ACACB: variants seen among roughly 807,000 people sequenced by gnomAD.
The protein encoded by ACACB is acetyl-CoA carboxylase 2.
ACACB carries 209 observed loss-of-function variants against 278.8 expected under a neutral mutation model. That is an observed-to-expected ratio of 0.75 (90% confidence interval 0.67 to 0.84). The LOEUF is 0.84. ACACB is among the 40% of genes least tolerant of loss of function. The pLI, the probability that ACACB is intolerant of heterozygous loss-of-function variation, is 0.00. For synonymous variants in ACACB, 1,174 were observed against 1,285.6 expected, an observed-to-expected ratio of 0.91 and a Z score of 1.86; for missense variants, 2,850 against 3,269.0, an observed-to-expected ratio of 0.87 and a Z score of 3.13.
At chr12:109,128,018 G>T (rs2135965327) in intron 1 of ACACB, among the ~76,000 whole-genome samples, 1 of 152,266 alleles carries the variant, frequency 6.6e-6, no homozygotes, top group South Asian at 2.1e-4. Flanking sequence ...TTGGCAGCCT[G>T]GCGAGCTCCT....
intron 13 of ACACB, among the ~76,000 whole-genome samples, chr12:109,190,307 C>T (rs1288351434): frequency 1.3e-5 from 2 of 152,008 alleles, no homozygotes; most frequent in Non-Finnish European, 2.9e-5. Context: ...AGGCTGGTCT[C>T]GAACTCCTGA....
intron 11 of ACACB, among the ~76,000 whole-genome samples, chr12:109,183,818 C>G (rs1319331157): frequency 6.6e-6 from 1 of 152,016 alleles, no homozygotes; most frequent in East Asian, 1.9e-4. Context: ...TTCCTTCTTT[C>G]TTCCCATAAT....
intron 24 of ACACB, among the ~76,000 whole-genome samples, chr12:109,221,466 C>T (rs1010947877): frequency 2.0e-5 from 3 of 152,146 alleles, no homozygotes; most frequent in Non-Finnish European, 2.9e-5. Flanking sequence ...AGAGGAGATG[C>T]GAACACCGGC....
Position 109,216,723 on chromosome 12 carries a change from C to T in ACACB, c.3439+17C>T, listed in dbSNP as rs777121145. The T allele has an allele frequency of 4.3e-6, 7 of 1,614,094 alleles. No individual in the cohort carries two copies. In the South Asian group the frequency reaches 7.7e-5, roughly 18 times the overall value. ...TTCAGCAAGGCAAGAGATGCTGATG[C>T]CAACACCAGTGGGATGGTGGGGGGC... On this transcript the variant is annotated intron_variant, in intron 23 of 52. Coordinates refer to ENST00000338432, the MANE Select transcript of ACACB (RefSeq NM_001093.4).
chr12:109,219,658 A>G (rs2046104559), intron 24 of ACACB, among the ~76,000 whole-genome samples: 1 of 152,280 alleles, frequency 6.6e-6, no homozygotes, highest in Admixed American at 6.5e-5. Flanking sequence ...TTTCAGAAAA[A>G]GAGAGAGTGT....
intron 21 of ACACB, among the ~76,000 whole-genome samples, chr12:109,210,420 T>TAC (rs2045782219): frequency 7.8e-6 from 1 of 128,368 alleles, no homozygotes; most frequent in African/African-American, 3.5e-5. Context: ...CACATGTGTA[T>TAC]ATATGTATAT....
At chr12:109,199,063 G>A (rs1305346070) in intron 17 of ACACB, among the ~76,000 whole-genome samples, 3 of 152,034 alleles carry the variant, frequency 2.0e-5, no homozygotes, top group Non-Finnish European at 4.4e-5. Context: ...GGTGGTGGGC[G>A]CCTGTAGTCC....
chr12:109,166,034 T>C (rs1041995218), intron 2 of ACACB, among the ~76,000 whole-genome samples: 1 of 152,184 alleles, frequency 6.6e-6, no homozygotes, highest in Non-Finnish European at 1.5e-5. Context: ...GCCTGTATTT[T>C]GGAAGGCCGA....
At chr12:109,232,903 G>A (rs2046516522) in intron 29 of ACACB, 97 bp downstream of exon 29, 1 of 1,457,840 alleles carries the variant, frequency 6.9e-7, no homozygotes. Context: ...TGGGGTGGGA[G>A]AGACCCAGAC....
Position 109,254,298 on chromosome 12 carries a change from G to A in ACACB, c.6130G>A (p.Asp2044Asn), listed in dbSNP as rs780707436. Residue 2044 changes from aspartate (D) to asparagine (N), a missense_variant, in exon 44 of 53, where the codon GAC (aspartate) becomes AAC (asparagine). Asp to Asn is a conservative substitution (Grantham distance 23). Coordinates refer to ENST00000338432, the MANE Select transcript of ACACB (RefSeq NM_001093.4). ...IEFLPSRAPYDPRWMLAGRPH... is the reference protein window; with the variant it reads ...IEFLPSRAPYNPRWMLAGRPH... Reference sequence around the variant, plus strand: ...ATTCCTCCCATCCAGAGCTCCCTACGACCCCCGGTGGATGCTTGCAGGAAG... The same window carrying A: ...ATTCCTCCCATCCAGAGCTCCCTACAACCCCCGGTGGATGCTTGCAGGAAG... 8.1e-6 allele frequency: 13 copies of A among 1,611,854 alleles called. No homozygotes were observed. Among genetic ancestry groups the A allele is most frequent in the African/African-American group, 2.7e-5 (2 of 73,334 alleles).
At chr12:109,197,745 A>C (rs2136314823) in intron 17 of ACACB, among the ~76,000 whole-genome samples, 1 of 152,188 alleles carries the variant, frequency 6.6e-6, no homozygotes, top group Middle Eastern at 3.4e-3. Flanking sequence ...GATCACCCCG[A>C]GATCACGCAA....
rs984311989 is a variant in ACACB, at chr12:109,252,129, C to A, written c.5874C>A (p.Ile1958=). ...TCCAGGTGGAGAATTCCCACATCAT[C>A]CTCACAGGAGCAAGTGCTCTCAACA... ...RVIQVENSHI[I]LTGASALNKV... is the part of the protein sequence containing the mutation. The change falls in exon 42 of 53, where the codon ATC becomes ATA. Residue 1958 remains isoleucine, a synonymous_variant. Coordinates refer to ENST00000338432, the MANE Select transcript of ACACB (RefSeq NM_001093.4). 4 of 1,612,932 alleles carry A rather than the reference C, an allele frequency of 2.5e-6. No individual in the cohort carries two copies. In the African/African-American group the frequency reaches 5.3e-5, roughly 22 times the overall value.
intron 41 of ACACB, among the ~76,000 whole-genome samples, 192 bp downstream of exon 41, chr12:109,250,296 A>G (rs1330114910): frequency 6.6e-6 from 1 of 152,122 alleles, no homozygotes; most frequent in Non-Finnish European, 1.5e-5. Flanking sequence ...GAGTATTTTA[A>G]AGCCAGCCCC....
chr12:109,193,824 A>C, intron 16 of ACACB, 95 bp downstream of exon 16: 9 of 1,147,086 alleles, frequency 7.8e-6, no homozygotes, highest in South Asian at 1.3e-5. Context: ...GGATTTGCTC[A>C]TGCTTGGGTT....
intron 27 of ACACB, among the ~76,000 whole-genome samples, 174 bp from the exon 28 acceptor site, chr12:109,227,197 T>A (rs1421820537): frequency 6.6e-6 from 1 of 152,176 alleles, no homozygotes; most frequent in Non-Finnish European, 1.5e-5. Flanking sequence ...GTGACCTACC[T>A]GCCCTGGCCT....
chr12:109,213,023 A>C, intron 22 of ACACB, 87 bp downstream of exon 22: 3 of 1,189,498 alleles, frequency 2.5e-6, no homozygotes, highest in Non-Finnish European at 3.7e-6. Flanking sequence ...GGCTGTCTTC[A>C]GGGCAGGCTT....
chr12:109,149,604 T>G (rs1246862078), intron 2 of ACACB, among the ~76,000 whole-genome samples: 1 of 152,176 alleles, frequency 6.6e-6, no homozygotes, highest in Non-Finnish European at 1.5e-5. Context: ...ATTGTTAATT[T>G]AGAACCATTT....
At chr12:109,140,772 T>G (rs2043103330) in intron 2 of ACACB, among the ~76,000 whole-genome samples, 1 of 152,044 alleles carries the variant, frequency 6.6e-6, no homozygotes, top group Non-Finnish European at 1.5e-5. Context: ...GATGACCTTG[T>G]GTTTAGTTAT....
intron 37 of ACACB, among the ~76,000 whole-genome samples, chr12:109,243,708 A>G (rs2046862964): frequency 6.6e-6 from 1 of 152,158 alleles, no homozygotes; most frequent in Non-Finnish European, 1.5e-5. Context: ...AATTCTATTC[A>G]TATGTAATTT....
Sources: allele counts gnomAD v4.1 joint callset (sites outside exome capture counted in the v4.1 genomes callset), GRCh38; gene constraint gnomAD v4.1.1; transcripts MANE v1.5; gene names NCBI Gene and HGNC (gene_info 2026-07-23, HGNC 2026-07-21).